PLA2G4F: variants seen among roughly 807,000 people sequenced by gnomAD.
The protein encoded by PLA2G4F is phospholipase A2 group IVF.
PLA2G4F carries 105 observed loss-of-function variants against 103.1 expected under a neutral mutation model. The observed-to-expected ratio is 1.02, with a 90% CI of 0.87 to 1.20. The LOEUF (loss-of-function observed/expected upper bound fraction) is 1.20, where lower values mean the gene tolerates loss of function less well. Among genes scored for constraint, PLA2G4F ranks in the 50% most tolerant of loss-of-function variants. The probability of loss-of-function intolerance (pLI) is 0.00; values close to 1 mark genes in which losing one functional copy is unlikely to be tolerated. For synonymous variants in PLA2G4F, 468 were observed against 441.1 expected, an observed-to-expected ratio of 1.06 and a Z score of -0.76; for missense variants, 1,155 against 1,075.9, an observed-to-expected ratio of 1.07 and a Z score of -1.03.
At position 42,149,754 on chromosome 15, in the gene PLA2G4F, G is replaced by T; in HGVS notation, c.1018C>A (p.Gln340Lys). 1.2e-6 allele frequency: 2 copies of T among 1,614,208 alleles called. No individual in the cohort carries two copies. Among genetic ancestry groups the T allele is most frequent in the South Asian group, 1.1e-5 (1 of 91,084 alleles). ...GCCTCACTCAATCCCAGCACTTGCT[G>T]CAGGGCCTTGGACACGACCTGCTTC... ...RRKQVVSKAL[Q>K]QVLGLSEALD... is the part of the protein sequence containing the mutation. Residue 340 changes from glutamine (Q) to lysine (K), a missense_variant, in exon 11 of 20, where the codon CAG (glutamine) becomes AAG (lysine). By Grantham distance (53) the Gln-to-Lys change is moderately conservative (BLOSUM62 1). Around this residue, in one of 3 missense-constraint regions of PLA2G4F, gnomAD observed 782 missense variants for 692.9 expected, o/e 1.13. Coordinates refer to ENST00000397272, the MANE Select transcript of PLA2G4F (RefSeq NM_213600.4).
intron 7 of PLA2G4F, chr15:42,151,165 CATTGTG>C: frequency 1.0e-6 from 1 of 985,300 alleles, no homozygotes; most frequent in Non-Finnish European, 1.2e-6. Flanking sequence ...CCTCTTTACT[CATTGTG>C]TTGGAGGTTT....
At chr15:42,155,300 TCA>T (rs60514990) in intron 2 of PLA2G4F, among the ~76,000 whole-genome samples, 8 of 151,454 alleles carry the variant, frequency 5.3e-5, no homozygotes, top group African/African-American at 1.7e-4. Context: ...ATACACGCAC[TCA>T]CACACACGTA....
intron 7 of PLA2G4F, chr15:42,151,515 C>T: frequency 1.0e-6 from 1 of 985,206 alleles, no homozygotes; most frequent in Non-Finnish European, 1.2e-6. Flanking sequence ...GGAGTCCCAG[C>T]CCCTAACACA....
intron 11 of PLA2G4F, among the ~76,000 whole-genome samples, chr15:42,148,238 G>A (rs977172073): frequency 2.1e-4 from 32 of 151,350 alleles, no homozygotes; most frequent in Non-Finnish European, 2.2e-4. Flanking sequence ...ACTGAGGCAC[G>A]GGAAGGTTAA....
chr15:42,141,317 C>T lies in PLA2G4F; in HGVS notation c.*667G>A, dbSNP rs947751678. 4.4e-6 allele frequency: 2 copies of T among 456,582 alleles called. No individual in the cohort carries two copies. Among genetic ancestry groups the T allele is most frequent in the African/African-American group, 2.0e-5 (1 of 50,064 alleles). The allele number at this position is 456,582 out of a possible 1,614,324, so 28.3% of individuals were successfully genotyped here. A position where few individuals can be genotyped will look rare whatever the true frequency, so the allele number is the denominator to read the frequency against. On this transcript the variant is annotated 3_prime_UTR_variant, in exon 20 of 20. Coordinates refer to ENST00000397272, the MANE Select transcript of PLA2G4F (RefSeq NM_213600.4). The stretch of plus-strand genomic sequence containing the variant: ...GGTAACTGGCAGGGAGACACGCGCA[C>T]ATCTCCCACCTGGAGCAGCCAGAAT...
chr15:42,142,550 G>A lies in PLA2G4F; in HGVS notation c.2307C>T (p.Thr769=). ...IVLHFPLVNR[T]FRTHLAPGVE... Reference sequence around the variant, plus strand: ...TACCTGGGGCCAGGTGTGTGCGGAAGGTACGGTTAACCAGGGGGAAGTGCA... The same window carrying A: ...TACCTGGGGCCAGGTGTGTGCGGAAAGTACGGTTAACCAGGGGGAAGTGCA... Residue 769 remains threonine (T), a synonymous_variant, in exon 19 of 20, where the codon ACC becomes ACT. Coordinates refer to ENST00000397272, the MANE Select transcript of PLA2G4F (RefSeq NM_213600.4). 2.5e-6 allele frequency: 4 copies of A among 1,613,960 alleles called. No individual in the cohort carries two copies. The highest frequency in any genetic ancestry group is 1.7e-4 in the Middle Eastern group (1 of 6,058).
intron 4 of PLA2G4F, 139 bp from the exon 5 acceptor site, chr15:42,153,799 C>T: frequency 1.1e-6 from 1 of 930,870 alleles, no homozygotes; most frequent in East Asian, 2.5e-5. Context: ...ATAGGAGGGG[C>T]AGTGGTATCT....
At position 42,144,120 on chromosome 15, in the gene PLA2G4F, T is replaced by C. The variant is rs761861606; in HGVS notation, c.2000A>G (p.Asn667Ser). ...WKDTHPDAFP[N>S]QLTPMRDCLY... ...GCAGTCCCGCATGGGGGTGAGCTGG[T>C]TGGGGAAGGCGTCCGGGTGTGTGTC... The change falls in exon 18 of 20, where the codon AAC (asparagine) becomes AGC (serine). Residue 667 changes from asparagine (N) to serine (S), a missense_variant. This residue lies in a region of PLA2G4F where 782 missense variants were observed against 692.9 expected (regional missense o/e 1.13). Coordinates refer to ENST00000397272, the MANE Select transcript of PLA2G4F (RefSeq NM_213600.4). The C allele has an allele frequency of 6.8e-6, 11 of 1,612,608 alleles. No homozygotes were observed. Among genetic ancestry groups the C allele is most frequent in the East Asian group, 2.2e-5 (1 of 44,876 alleles).
At chr15:42,151,637 G>A in intron 7 of PLA2G4F, 8 of 985,406 alleles carry the variant, frequency 8.1e-6, no homozygotes, top group African/African-American at 1.7e-5. Context: ...GAGGCCCGGA[G>A]ACTCGACATG....
At chr15:42,156,287 G>T in intron 1 of PLA2G4F, 152 bp downstream of exon 1, 1 of 591,606 alleles carries the variant, frequency 1.7e-6, no homozygotes, top group South Asian at 2.1e-5. Context: ...TAAGAGCCAA[G>T]GTCTAATTTA....
At chr15:42,145,209 C>A (rs149251530) in intron 16 of PLA2G4F, among the ~76,000 whole-genome samples, 41 of 152,296 alleles carry the variant, frequency 2.7e-4, no homozygotes, top group African/African-American at 9.4e-4. Flanking sequence ...GACATCTGAG[C>A]TGAACTGAAG....
At chr15:42,150,563 T>C in intron 8 of PLA2G4F, 45 bp downstream of exon 8, 2 of 1,596,478 alleles carry the variant, frequency 1.3e-6, no homozygotes, top group Non-Finnish European at 1.7e-6. Context: ...GGAACGCCAG[T>C]CTGGGCTGAG....
At position 42,141,644 on chromosome 15, in the gene PLA2G4F, G is replaced by T. The variant is rs943916549; in HGVS notation, c.*340C>A. 2.0e-6 allele frequency: 1 copy of T among 491,348 alleles called. No individual in the cohort carries two copies. Among genetic ancestry groups the T allele is most frequent in the African/African-American group, 2.0e-5 (1 of 51,178 alleles). 30.4% of individuals were successfully genotyped at this position (491,348 alleles called of 1,614,324 possible). On this transcript the variant is annotated 3_prime_UTR_variant, in exon 20 of 20. Coordinates refer to ENST00000397272, the MANE Select transcript of PLA2G4F (RefSeq NM_213600.4). Reference sequence around the variant, plus strand: ...TGTTCTGTGTGGGTCTGAGGACTTGGGCCCTCTGAGGTCCTTCTGTGTCTG... The same window carrying T: ...TGTTCTGTGTGGGTCTGAGGACTTGTGCCCTCTGAGGTCCTTCTGTGTCTG...
intron 19 of PLA2G4F, 25 bp from the exon 20 acceptor site, chr15:42,142,229 A>C (rs1443669357): frequency 7.6e-6 from 12 of 1,585,934 alleles, no homozygotes; most frequent in Non-Finnish European, 1.0e-5. Context: ...AGCAGAGGAG[A>C]GGCCAGGATG....
At chr15:42,144,419 C>T in intron 17 of PLA2G4F, 31 bp downstream of exon 17, 2 of 1,607,506 alleles carry the variant, frequency 1.2e-6, no homozygotes, top group African/African-American at 1.3e-5. Flanking sequence ...GGAAGGGAAG[C>T]CCCCCATCTC....
At chr15:42,142,313 G>T in intron 19 of PLA2G4F, 109 bp from the exon 20 acceptor site, 1 of 1,195,512 alleles carries the variant, frequency 8.4e-7, no homozygotes, top group Non-Finnish European at 1.2e-6. Context: ...CTCCCTGCGG[G>T]CCCTGCTTGG....
At position 42,155,560 on chromosome 15, in the gene PLA2G4F, C is replaced by T; in HGVS notation, c.141G>A (p.Gln47=). 6.2e-7 allele frequency: 1 copy of T among 1,614,120 alleles called. No homozygotes were observed. The highest frequency in any genetic ancestry group is 8.5e-7 in the Non-Finnish European group (1 of 1,179,976). The part of the protein sequence containing the change: ...RRETYPYYDL[Q]VKVLRATNIR... ...TGTTTGTGGCCCTCAGCACCTTCACCTGGAGGTCATAGTATGGGTAGGTTT... is the reference window on the plus strand; with the variant it reads ...TGTTTGTGGCCCTCAGCACCTTCACTTGGAGGTCATAGTATGGGTAGGTTT... The change falls in exon 2 of 20, where the codon CAG becomes CAA. Residue 47 remains glutamine, a synonymous_variant. Transcript: ENST00000397272.
At chr15:42,147,842 A>T in intron 11 of PLA2G4F, 80 bp from the exon 12 acceptor site, 1 of 1,559,106 alleles carries the variant, frequency 6.4e-7, no homozygotes, top group African/African-American at 1.4e-5. Flanking sequence ...GTAGGACATT[A>T]TTCTAAGAGT....
intron 12 of PLA2G4F, 139 bp downstream of exon 12, chr15:42,147,487 G>C (rs2048905301): frequency 2.2e-6 from 3 of 1,373,578 alleles, no homozygotes; most frequent in Non-Finnish European, 3.0e-6. Flanking sequence ...GGGCGCTTGG[G>C]ACTCAGCCTC....
Sources: gnomAD v4.1 joint callset for allele counts (sites outside exome capture counted in the v4.1 genomes callset) on GRCh38, gnomAD v4.1.1 for gene constraint, gnomAD v4.1.1 regional missense constraint, MANE v1.5 for transcripts, NCBI Gene and HGNC (gene_info 2026-07-23, HGNC 2026-07-21) for gene names.